NKTR: variants seen among roughly 807,000 people sequenced by gnomAD.
NKTR encodes NK-tumor recognition protein.
A neutral mutation model predicts 156.3 loss-of-function variants in NKTR; 67 were observed. The ratio of observed to expected loss-of-function variants is 0.43; its 90% CI spans 0.35 to 0.53. The LOEUF is 0.53. NKTR is among the 20% of genes least tolerant of loss of function. NKTR has a pLI of 0.01. For missense variants in NKTR, 1,604 were observed against 1,730.9 expected (o/e 0.93, Z 1.30); for synonymous variants, 640 against 596.6 (o/e 1.07, Z -1.06).
chr3:42,619,633 A>G, intron 4 of NKTR, 31 bp from the exon 5 acceptor site: 2 of 1,604,598 alleles, frequency 1.2e-6, no homozygotes, highest in Non-Finnish European at 1.7e-6. Flanking sequence ...TTTAATGTTC[A>G]TTATGGCTTA....
At chr3:42,611,483 C>T (rs1400466975) in intron 2 of NKTR, among the ~76,000 whole-genome samples, 1 of 151,976 alleles carries the variant, frequency 6.6e-6, no homozygotes, top group Admixed American at 6.6e-5. Context: ...CCTGTAATCC[C>T]AGCACTCTGG....
At chr3:42,610,109 G>A (rs1235261733) in intron 2 of NKTR, among the ~76,000 whole-genome samples, 2 of 151,950 alleles carry the variant, frequency 1.3e-5, no homozygotes, top group African/African-American at 2.4e-5. Context: ...GCGTTCAAGC[G>A]ATTCTCCTGC....
intron 2 of NKTR, among the ~76,000 whole-genome samples, chr3:42,614,824 C>CCT (rs1275797015): frequency 6.6e-6 from 1 of 152,018 alleles, no homozygotes; most frequent in Non-Finnish European, 1.5e-5. Context: ...GCTTTGCAAA[C>CCT]CTAATTAGGT....
intron 2 of NKTR, chr3:42,601,484 G>C (rs1224673855): frequency 6.5e-6 from 1 of 154,226 alleles, no homozygotes; most frequent in Non-Finnish European, 1.4e-5. Flanking sequence ...TCACTAATAT[G>C]TTAATTTTGC....
chr3:42,643,338 G>A lies in NKTR; in HGVS notation c.4143-1G>A. 1 of 1,613,680 alleles carries A rather than the reference G, an allele frequency of 6.2e-7. No homozygotes were observed. Among genetic ancestry groups the A allele is most frequent in the Non-Finnish European group, 8.5e-7 (1 of 1,179,636 alleles). Reference sequence around the variant, plus strand: ...ATGGTCCTTCATGTGATTAATATTAGGACGTCCAGCAGGAGCAGATCCAGG... The same window carrying A: ...ATGGTCCTTCATGTGATTAATATTAAGACGTCCAGCAGGAGCAGATCCAGG... On this transcript the variant is annotated splice_acceptor_variant, in intron 14 of 16. Coordinates refer to ENST00000232978, the MANE Select transcript of NKTR (RefSeq NM_005385.4). LOFTEE classifies it high-confidence loss of function.
At chr3:42,621,919 G>T (rs1447263903) in intron 6 of NKTR, among the ~76,000 whole-genome samples, 1 of 151,938 alleles carries the variant, frequency 6.6e-6, no homozygotes, top group African/African-American at 2.4e-5. Flanking sequence ...AGCAGTTTGA[G>T]TAAACCATTG....
chr3:42,625,613 T>A (rs1367873676), intron 6 of NKTR, among the ~76,000 whole-genome samples: 1 of 152,088 alleles, frequency 6.6e-6, no homozygotes, highest in Non-Finnish European at 1.5e-5. Flanking sequence ...AGATTCGGGG[T>A]AGAAATGCTT....
chr3:42,638,067 G>A lies in NKTR; in HGVS notation c.2363G>A (p.Gly788Asp). The change falls in exon 13 of 17, where the codon GGT becomes GAT. Residue 788 changes from glycine (G) to aspartate (D), a missense_variant. By Grantham distance (94) the Gly-to-Asp change is moderately conservative. Around this residue, in one of 6 missense-constraint regions of NKTR, gnomAD observed 1,255 missense variants for 1,243.7 expected, o/e 1.01. Coordinates refer to ENST00000232978, the MANE Select transcript of NKTR (RefSeq NM_005385.4). ...EKTLHSKYVK[G>D]RDRSSCVRKY... Reference sequence around the variant, plus strand: ...ACACTTCACAGTAAATATGTCAAAGGTAGAGACAGGTCTTCATGTGTGAGA... The same window carrying A: ...ACACTTCACAGTAAATATGTCAAAGATAGAGACAGGTCTTCATGTGTGAGA... 6.2e-7 allele frequency: 1 copy of A among 1,614,150 alleles called. No individual in the cohort carries two copies.
chr3:42,601,061 C>T lies in NKTR; in HGVS notation c.55C>T (p.Pro19Ser). ...CTTCGACATCGAGATCAACCGGGAG[C>T]CGGGTGAGCTGGAAACTGGGGAGCG... ...CHFDIEINRE[P>S]VGRIMFQLFS... Residue 19 changes from proline to serine, a missense_variant, in exon 2 of 17, where the codon CCG becomes TCG. Pro to Ser is a moderately conservative substitution (Grantham distance 74, BLOSUM62 -1). Coordinates refer to ENST00000232978, the MANE Select transcript of NKTR (RefSeq NM_005385.4). The T allele has an allele frequency of 1.3e-6, 2 of 1,573,214 alleles. No individual in the cohort carries two copies. Among genetic ancestry groups the T allele is most frequent in the Admixed American group, 1.8e-5 (1 of 54,682 alleles).
chr3:42,621,643 AATATC>A, intron 6 of NKTR, 127 bp downstream of exon 6: 2 of 957,936 alleles, frequency 2.1e-6, no homozygotes, highest in South Asian at 3.5e-5. Context: ...ATTAATTTCT[AATATC>A]ATAGTAACTT....
chr3:42,610,289 A>G (rs1706659046), intron 2 of NKTR, among the ~76,000 whole-genome samples: 1 of 152,148 alleles, frequency 6.6e-6, no homozygotes, highest in African/African-American at 2.4e-5. Context: ...TATAGGCGTG[A>G]GCTACCACGC....
intron 2 of NKTR, chr3:42,601,966 G>T (rs1169272496): frequency 6.6e-6 from 1 of 152,174 alleles, no homozygotes; most frequent in Admixed American, 6.5e-5. Flanking sequence ...GTGACTTGTA[G>T]TTGGGATACT....
At chr3:42,641,768 C>T (rs1437997933) in intron 13 of NKTR, among the ~76,000 whole-genome samples, 4 of 151,832 alleles carry the variant, frequency 2.6e-5, no homozygotes. Context: ...ATCCCAGCTA[C>T]TCAGGAGGCT....
In NKTR at chr3:42,635,246, G is replaced by A. The variant is rs146811674; in HGVS notation, c.1043G>A (p.Arg348Lys). 6 of 1,612,616 alleles carry A rather than the reference G, an allele frequency of 3.7e-6. No individual in the cohort carries two copies. The African/African-American group carries it at 4.0e-5, about 11-fold the overall frequency. Residue 348 changes from arginine (R) to lysine (K), a missense_variant, in exon 12 of 17, where the codon AGA (arginine) becomes AAA (lysine). Transcript: ENST00000232978. ...TIRYHTPPRS[R>K]SCSESDDDDS... ...CGCTATCACACACCTCCAAGATCAA[G>A]ATCCTGTTCTGAGTCAGATGATGAT...
intron 6 of NKTR, among the ~76,000 whole-genome samples, chr3:42,626,685 A>G (rs1708421404): frequency 6.6e-6 from 1 of 152,158 alleles, no homozygotes; most frequent in Non-Finnish European, 1.5e-5. Context: ...AAGGTTTCAA[A>G]TGTAGAAGCA....
chr3:42,600,927 T>A, intron 1 of NKTR, 57 bp from the exon 2 acceptor site: 9 of 1,006,678 alleles, frequency 8.9e-6, no homozygotes, highest in Non-Finnish European at 1.1e-5. Flanking sequence ...CCCTCGCCCC[T>A]GCCCTCGCCC....
At chr3:42,634,302 T>A (rs1210061905) in intron 10 of NKTR, among the ~76,000 whole-genome samples, 2 of 152,222 alleles carry the variant, frequency 1.3e-5, no homozygotes, top group African/African-American at 4.8e-5. Flanking sequence ...AGACTCAAGT[T>A]TAGAATTATT....
chr3:42,630,062 G>A (rs1035486554), intron 6 of NKTR: 2 of 985,456 alleles, frequency 2.0e-6, no homozygotes, highest in African/African-American at 3.5e-5. Flanking sequence ...CTAAAAATGT[G>A]GACTGACTCA....
At chr3:42,621,400 A>T (rs777518100) in intron 5 of NKTR, 29 bp from the exon 6 acceptor site, 1 of 1,587,018 alleles carries the variant, frequency 6.3e-7, no homozygotes, top group Non-Finnish European at 8.5e-7. Flanking sequence ...ATAATTGGAG[A>T]CTGACAAATT....
Sources: allele counts gnomAD v4.1 joint callset (sites outside exome capture counted in the v4.1 genomes callset), GRCh38; gene constraint gnomAD v4.1.1; regional missense constraint gnomAD v4.1.1; transcripts MANE v1.5; gene names NCBI Gene and HGNC (gene_info 2026-07-23, HGNC 2026-07-21).